The following PTPRG variants were observed in gnomAD, a reference collection of about 807,000 sequenced individuals.
PTPRG encodes protein tyrosine phosphatase receptor type G.
Under a neutral mutation model 165.3 loss-of-function variants are expected in PTPRG, and 102 were observed. That is an observed-to-expected ratio of 0.62 (90% CI 0.53 to 0.73). The LOEUF is 0.73. Among genes scored for constraint, PTPRG ranks in the 30% least tolerant of loss-of-function variants. The pLI is 0.00. For missense variants in PTPRG, 1,866 were observed against 1,861.4 expected, an observed-to-expected ratio of 1.00 and a Z score of -0.05; for synonymous variants, 675 against 669.5, an observed-to-expected ratio of 1.01 and a Z score of -0.13.
At chr3:61,842,951 T>G (rs2036684062) in intron 2 of PTPRG, among the ~76,000 whole-genome samples, 2 of 152,188 alleles carry the variant, frequency 1.3e-5, no homozygotes, top group Non-Finnish European at 2.9e-5. Flanking sequence ...GCCACCATCA[T>G]TATTAATACA....
chr3:62,287,797 A>G (rs1441897636), intron 28 of PTPRG, among the ~76,000 whole-genome samples: 1 of 152,184 alleles, frequency 6.6e-6, no homozygotes, highest in African/African-American at 2.4e-5. Flanking sequence ...GTTCGCACCC[A>G]AGAGAGACTG....
At chr3:62,223,668 G>A (rs1700698190) in intron 13 of PTPRG, among the ~76,000 whole-genome samples, 3 of 152,144 alleles carry the variant, frequency 2.0e-5, no homozygotes, top group African/African-American at 7.2e-5. Flanking sequence ...GAAAATGCTT[G>A]TCCTGGTGCC....
chr3:61,745,051 CT>C (rs10669472), intron 1 of PTPRG, among the ~76,000 whole-genome samples: 134 of 111,596 alleles, frequency 1.2e-3, no homozygotes, highest in South Asian at 9.3e-3. Flanking sequence ...CATTCCCTCA[CT>C]TTTTTTTTTT....
At position 61,982,021 on chromosome 3, in the gene PTPRG, C is replaced by A. The variant is rs2040653807; in HGVS notation, c.191-7604C>A. Among the ~76,000 whole-genome samples the A allele has an allele frequency of 2.0e-5, 3 of 152,124 alleles. No homozygotes were observed. The South Asian group carries it at 6.2e-4, about 32-fold the overall frequency. On this transcript the variant is annotated intron_variant, in intron 2 of 29. Coordinates refer to ENST00000474889, the MANE Select transcript of PTPRG (RefSeq NM_002841.4). The stretch of plus-strand genomic sequence containing the variant: ...TTGAACTAGAACTCAAGTTGCCAGT[C>A]ACCTTGCCCAGTGCTCTTTGTACTC...
intron 2 of PTPRG, among the ~76,000 whole-genome samples, chr3:61,909,495 G>A (rs2038746652): frequency 6.6e-6 from 1 of 152,072 alleles, no homozygotes; most frequent in Non-Finnish European, 1.5e-5. Flanking sequence ...GACCACAGGT[G>A]CACCACCACA....
At chr3:61,653,907 G>C (rs1157910801) in intron 1 of PTPRG, among the ~76,000 whole-genome samples, 3 of 124,810 alleles carry the variant, frequency 2.4e-5, no homozygotes, top group African/African-American at 8.5e-5. Context: ...GGTGGGGGGC[G>C]CGGGGAACTG....
At chr3:61,819,419 A>G (rs2035889583) in intron 2 of PTPRG, among the ~76,000 whole-genome samples, 1 of 152,182 alleles carries the variant, frequency 6.6e-6, no homozygotes, top group Non-Finnish European at 1.5e-5. Context: ...GTTTCAGATA[A>G]TCATAATTGG....
chr3:61,854,804 G>A (rs1385255500), intron 2 of PTPRG, among the ~76,000 whole-genome samples: 3 of 152,148 alleles, frequency 2.0e-5, no homozygotes, highest in East Asian at 1.9e-4. Context: ...TAATATGAGG[G>A]TCCTAGAGAA....
At chr3:61,764,688 C>T (rs2033960304) in intron 2 of PTPRG, among the ~76,000 whole-genome samples, 2 of 152,144 alleles carry the variant, frequency 1.3e-5, no homozygotes, top group Admixed American at 6.5e-5. Context: ...GATAATAGCA[C>T]TTGGAAAGGT....
intron 2 of PTPRG, among the ~76,000 whole-genome samples, chr3:61,860,434 CTT>C (rs766688465): frequency 0.028 from 2,705 of 95,350 alleles, 12 homozygotes; most frequent in African/African-American, 0.044. Flanking sequence ...GTTTTTGTTC[CTT>C]TTTTTTTTTT....
intron 2 of PTPRG, among the ~76,000 whole-genome samples, chr3:61,793,874 C>T (rs1305515827): frequency 1.3e-5 from 2 of 152,156 alleles, no homozygotes; most frequent in Non-Finnish European, 2.9e-5. Flanking sequence ...TTCTCTGTTT[C>T]TCCCTGCCAT....
intron 15 of PTPRG, 113 bp downstream of exon 15, chr3:62,244,011 A>G (rs1701228992): frequency 1.6e-6 from 1 of 633,688 alleles, no homozygotes; most frequent in Non-Finnish European, 2.7e-6. Context: ...CTTGCCCAGT[A>G]TAAGAAATTC....
At chr3:61,898,246 G>T (rs1484283906) in intron 2 of PTPRG, among the ~76,000 whole-genome samples, 3 of 152,098 alleles carry the variant, frequency 2.0e-5, no homozygotes, top group Non-Finnish European at 4.4e-5. Context: ...AGTGAGACAA[G>T]GTCTCACTAT....
chr3:62,006,173 T>C (rs1330905952), intron 4 of PTPRG, among the ~76,000 whole-genome samples: 1 of 152,208 alleles, frequency 6.6e-6, no homozygotes, highest in Non-Finnish European at 1.5e-5. Flanking sequence ...TGTCAGATGG[T>C]AAGGCTGCCT....
At chr3:61,841,209 T>C (rs968409120) in intron 2 of PTPRG, among the ~76,000 whole-genome samples, 1 of 152,208 alleles carries the variant, frequency 6.6e-6, no homozygotes, top group African/African-American at 2.4e-5. Flanking sequence ...GTTAAAGAGA[T>C]GTTTTATATA....
intron 1 of PTPRG, among the ~76,000 whole-genome samples, chr3:61,568,094 A>G (rs1448109484): frequency 6.6e-6 from 1 of 152,192 alleles, no homozygotes; most frequent in African/African-American, 2.4e-5. Context: ...ATACTTGTGT[A>G]AAAAAGAGTT....
In PTPRG at chr3:62,267,725, C is replaced by T; in HGVS notation, c.2780C>T (p.Pro927Leu). The T allele has an allele frequency of 6.2e-7, 1 of 1,613,444 alleles. No individual in the cohort carries two copies. Among genetic ancestry groups the T allele is most frequent in the Non-Finnish European group, 8.5e-7 (1 of 1,179,504 alleles). The change falls in exon 19 of 30, where the codon CCT becomes CTT. Residue 927 changes from proline to leucine, a missense_variant. Transcript: ENST00000474889. Reference protein sequence around the residue: ...KAKAYIATQGPLKSTFEDFWR... With the variant: ...KAKAYIATQGLLKSTFEDFWR... ...AAAGCCTACATTGCCACCCAAGGAC[C>T]TTTGAAGTCTACATTTGAAGATTTC...
In PTPRG at chr3:62,233,126, C is replaced by T. The variant is rs1393295028; in HGVS notation, c.2375+1815C>T. On this transcript the variant is annotated intron_variant, in intron 14 of 29. Transcript: ENST00000474889. The surrounding 1 kb of genome is among the most constrained non-coding windows in gnomAD (Gnocchi z 4.7). ...AAATTCAGGCTCTGAGAAGTTGTCA[C>T]TTGGCTAAGCCACCCTGCCTAAGTG... is the stretch of plus-strand genomic sequence containing the variant. Among the ~76,000 whole-genome samples the T allele has an allele frequency of 6.6e-6, 1 of 152,184 alleles. No individual in the cohort carries two copies. The highest frequency in any genetic ancestry group is 6.5e-5 in the Admixed American group (1 of 15,280).
chr3:62,096,093 A>G (rs1225842770), intron 5 of PTPRG, among the ~76,000 whole-genome samples: 2 of 152,106 alleles, frequency 1.3e-5, no homozygotes, highest in African/African-American at 4.8e-5. Context: ...GGAGAGAAGT[A>G]GGGGAGGACA....
Sources: gnomAD v4.1 joint callset for allele counts (sites outside exome capture counted in the v4.1 genomes callset) on GRCh38, gnomAD v4.1.1 for gene constraint, Gnocchi (gnomAD v3.1) non-coding constraint, MANE v1.5 for transcripts, NCBI Gene and HGNC (gene_info 2026-07-23, HGNC 2026-07-21) for gene names.